Variants in INTS7 observed in about 807,000 individuals in gnomAD.
The protein encoded by INTS7 is integrator complex subunit 7.
In INTS7, 46 loss-of-function variants were observed where a neutral mutation model predicts 109.2. The observed-to-expected ratio is 0.42, with a 90% CI of 0.33 to 0.54. The LOEUF (loss-of-function observed/expected upper bound fraction) is 0.54, where lower values mean the gene tolerates loss of function less well. Ranked by LOEUF, INTS7 falls within the 20% of genes least tolerant of loss-of-function variation. The probability of loss-of-function intolerance (pLI) is 0.07; values close to 1 mark genes in which losing one functional copy is unlikely to be tolerated. For synonymous variants in INTS7, 412 were observed against 402.9 expected, an observed-to-expected ratio of 1.02 and a Z score of -0.27; for missense variants, 929 against 1,132.4, an observed-to-expected ratio of 0.82 and a Z score of 2.58.
intron 4 of INTS7, among the ~76,000 whole-genome samples, chr1:212,016,228 T>C (rs1281722647): frequency 6.6e-6 from 1 of 152,228 alleles, no homozygotes; most frequent in Non-Finnish European, 1.5e-5. Flanking sequence ...GAAGTGAATT[T>C]CCTGGGTCAA....
At chr1:211,945,307 C>T (rs189653705) in intron 18 of INTS7, among the ~76,000 whole-genome samples, 1 of 152,254 alleles carries the variant, frequency 6.6e-6, no homozygotes, top group Admixed American at 6.5e-5. Flanking sequence ...ATTTTCATTA[C>T]CTAAGAGCTG....
At chr1:211,967,496 G>C (rs1194671319) in intron 15 of INTS7, among the ~76,000 whole-genome samples, 4 of 147,166 alleles carry the variant, frequency 2.7e-5, no homozygotes, top group Non-Finnish European at 6.0e-5. Flanking sequence ...CTACTGAAGA[G>C]ATCATTAATA....
chr1:211,942,077 T>C lies in INTS7; in HGVS notation c.2636A>G (p.Gln879Arg). Residue 879 changes from glutamine to arginine, a missense_variant, in exon 20 of 20, where the codon CAA becomes CGA. Around this residue, in one of 2 missense-constraint regions of INTS7, gnomAD observed 787 missense variants for 901.1 expected, o/e 0.87. Transcript: ENST00000366994. The surrounding 1 kb of genome is among the most constrained non-coding windows in gnomAD (Gnocchi z 4.2). ...GTAATCATTATGAGGTTCAACCCTT[T>C]GCTCCATCTCATTGGTCATGTTGTC... ...PIDNMTNEMEQRVEPHNDYFS... is the reference protein window; with the variant it reads ...PIDNMTNEMERRVEPHNDYFS... The C allele has an allele frequency of 6.2e-7, 1 of 1,614,160 alleles. No individual in the cohort carries two copies. The highest frequency in any genetic ancestry group is 1.1e-5 in the South Asian group (1 of 91,070).
chr1:212,032,371 C>G (rs945918569), intron 1 of INTS7, among the ~76,000 whole-genome samples: 1 of 152,182 alleles, frequency 6.6e-6, no homozygotes, highest in East Asian at 1.9e-4. Context: ...AAAGTCAGAT[C>G]ATGTCACACA....
intron 5 of INTS7, 49 bp from the exon 6 acceptor site, chr1:212,007,498 A>G: frequency 7.0e-7 from 1 of 1,425,418 alleles, no homozygotes; most frequent in Non-Finnish European, 9.9e-7. Context: ...CATCCTTAAT[A>G]ATATTCCAGA....
At chr1:211,978,908 A>C (rs1207494780) in intron 10 of INTS7, among the ~76,000 whole-genome samples, 2 of 152,198 alleles carry the variant, frequency 1.3e-5, no homozygotes, top group Non-Finnish European at 2.9e-5. Flanking sequence ...GAAAATAAAA[A>C]TATAGATTCC....
intron 3 of INTS7, among the ~76,000 whole-genome samples, chr1:212,017,455 A>C (rs1229382855): frequency 6.6e-6 from 1 of 152,234 alleles, no homozygotes; most frequent in African/African-American, 2.4e-5. Context: ...TTCCCACATC[A>C]GTAAATATTG....
At chr1:212,004,616 C>T (rs1313875129) in intron 7 of INTS7, among the ~76,000 whole-genome samples, 2 of 152,126 alleles carry the variant, frequency 1.3e-5, no homozygotes, top group Admixed American at 1.3e-4. Context: ...TCTTTATATT[C>T]AGTGTAATCC....
chr1:211,976,667 T>G lies in INTS7; in HGVS notation c.1523A>C (p.Glu508Ala), dbSNP rs1571867624. Residue 508 changes from glutamate to alanine, a missense_variant, in exon 12 of 20, where the codon GAA becomes GCA. This residue lies in a region of INTS7 where 787 missense variants were observed against 901.1 expected (regional missense o/e 0.87). Transcript: ENST00000366994. ...FVASQKALSV[E>A]SKAVIKQQLE... ...CTGCTGCTTAATTACTGCCTTACTTTCCACAGACAATGCCTTCTGACTTGC... is the reference window on the plus strand; with the variant it reads ...CTGCTGCTTAATTACTGCCTTACTTGCCACAGACAATGCCTTCTGACTTGC... 1.9e-6 allele frequency: 3 copies of G among 1,613,830 alleles called. No homozygotes were observed. The Admixed American group carries it at 5.0e-5, about 27-fold the overall frequency.
intron 16 of INTS7, among the ~76,000 whole-genome samples, chr1:211,953,417 T>C (rs1268316345): frequency 1.3e-5 from 2 of 151,848 alleles, no homozygotes; most frequent in Non-Finnish European, 1.5e-5. Flanking sequence ...ATTATCATTA[T>C]ACTTTAAGTT....
At chr1:212,029,792 T>C (rs1053148502) in intron 1 of INTS7, among the ~76,000 whole-genome samples, 2 of 152,170 alleles carry the variant, frequency 1.3e-5, no homozygotes, top group African/African-American at 4.8e-5. Context: ...TATCTTAAAA[T>C]CTATACATTA....
chr1:211,999,387 C>T (rs1048710536), intron 7 of INTS7, among the ~76,000 whole-genome samples: 4 of 152,124 alleles, frequency 2.6e-5, no homozygotes, highest in African/African-American at 9.7e-5. Context: ...CCATATGATT[C>T]TATTTATATC....
chr1:211,954,970 C>G (rs1663297796), intron 16 of INTS7, among the ~76,000 whole-genome samples: 1 of 152,178 alleles, frequency 6.6e-6, no homozygotes, highest in African/African-American at 2.4e-5. Context: ...GGCATTGAAT[C>G]TATAAATTAC....
intron 13 of INTS7, among the ~76,000 whole-genome samples, chr1:211,971,880 C>T (rs1171505382): frequency 4.7e-5 from 6 of 127,606 alleles, no homozygotes; most frequent in African/African-American, 1.2e-4. Flanking sequence ...CGTGCCACTG[C>T]ACTCCAGCCT....
intron 7 of INTS7, among the ~76,000 whole-genome samples, chr1:211,997,878 C>CAAA: frequency 1.2e-5 from 1 of 82,274 alleles, no homozygotes; most frequent in Admixed American, 1.3e-4. Context: ...AACTCCAACT[C>CAAA]AAAAAAAAAA....
chr1:212,024,612 A>G (rs952207263), intron 1 of INTS7, among the ~76,000 whole-genome samples: 10 of 152,238 alleles, frequency 6.6e-5, no homozygotes, highest in South Asian at 2.1e-4. Flanking sequence ...CTGGAAACAC[A>G]TATGTTAATC....
chr1:212,026,279 A>C (rs1259871740), intron 1 of INTS7, among the ~76,000 whole-genome samples: 1 of 152,196 alleles, frequency 6.6e-6, no homozygotes, highest in Non-Finnish European at 1.5e-5. Context: ...TCCGTAATGC[A>C]CTCATGTTAG....
intron 1 of INTS7, among the ~76,000 whole-genome samples, chr1:212,027,630 C>T (rs1666986609): frequency 6.6e-6 from 1 of 152,226 alleles, no homozygotes; most frequent in Admixed American, 6.5e-5. Context: ...GTAAAGCATT[C>T]ATTATTCTAA....
intron 8 of INTS7, among the ~76,000 whole-genome samples, chr1:211,986,986 G>A (rs888179631): frequency 3.9e-5 from 6 of 152,104 alleles, no homozygotes; most frequent in Non-Finnish European, 7.4e-5. Context: ...TAGAGGTTCC[G>A]CAAAACTTGC....
Sources: allele counts gnomAD v4.1 joint callset (sites outside exome capture counted in the v4.1 genomes callset), GRCh38; gene constraint gnomAD v4.1.1; regional missense constraint gnomAD v4.1.1; non-coding constraint Gnocchi (gnomAD v3.1); transcripts MANE v1.5; gene names NCBI Gene and HGNC (gene_info 2026-07-23, HGNC 2026-07-21).